MED27: variants seen among roughly 807,000 people sequenced by gnomAD.
The protein encoded by MED27 is mediator complex subunit 27, also known as mediator of RNA polymerase II transcription subunit 27.
Under a neutral mutation model 38.2 loss-of-function variants are expected in MED27, and 30 were observed. The ratio of observed to expected loss-of-function variants is 0.79; its 90% CI spans 0.59 to 1.07. The LOEUF (loss-of-function observed/expected upper bound fraction) is 1.07. Ranked by LOEUF, MED27 falls within the 50% of genes least tolerant of loss-of-function variation. MED27 has a pLI of 0.00. For missense variants in MED27, 289 were observed against 397.5 expected (o/e 0.73, Z 2.32); for synonymous variants, 122 against 153.5 (o/e 0.79, Z 1.52).
At chr9:132,000,788 G>A (rs1451575381) in intron 3 of MED27, among the ~76,000 whole-genome samples, 1 of 149,508 alleles carries the variant, frequency 6.7e-6, no homozygotes, top group Non-Finnish European at 1.5e-5. Flanking sequence ...GTCTCACTAT[G>A]TTGTCCAGGC....
At position 131,861,394 on chromosome 9, in the gene MED27, G is replaced by A. The variant is rs988285302; in HGVS notation, c.802-722C>T. On this transcript the variant is annotated intron_variant, in intron 7 of 7. Coordinates refer to ENST00000292035, the MANE Select transcript of MED27 (RefSeq NM_004269.4). This position sits in a 1 kb window ranked among gnomAD's most constrained non-coding sequence, Gnocchi z 4.4. ...AAACAGCAGGCAAGCAAGTTCTCGC[G>A]GTGAAAGGGCACGTGAATCTTGTCA... Among the ~76,000 whole-genome samples the A allele has an allele frequency of 6.6e-6, 1 of 152,132 alleles. No individual in the cohort carries two copies. The highest frequency in any genetic ancestry group is 1.5e-5 in the Non-Finnish European group (1 of 68,022).
At chr9:131,870,373 T>G (rs1241332716) in intron 6 of MED27, among the ~76,000 whole-genome samples, 2 of 152,150 alleles carry the variant, frequency 1.3e-5, no homozygotes, top group Non-Finnish European at 2.9e-5. Context: ...CATACAGACC[T>G]CAAGTGTACG....
At chr9:131,951,507 G>A (rs1310258741) in intron 3 of MED27, among the ~76,000 whole-genome samples, 1 of 152,200 alleles carries the variant, frequency 6.6e-6, no homozygotes, top group East Asian at 1.9e-4. Context: ...AGAGTCTGAA[G>A]CTGGGGCTTA....
At chr9:131,971,518 C>T (rs1484696183) in intron 3 of MED27, among the ~76,000 whole-genome samples, 2 of 152,126 alleles carry the variant, frequency 1.3e-5, no homozygotes, top group African/African-American at 4.8e-5. Flanking sequence ...AAAATTAAAC[C>T]TATGTCGTGA....
chr9:131,885,852 G>T (rs1839130495), intron 5 of MED27, among the ~76,000 whole-genome samples: 1 of 152,126 alleles, frequency 6.6e-6, no homozygotes, highest in South Asian at 2.1e-4. Context: ...TGTCCCATAG[G>T]TGCTAAAAAG....
chr9:131,957,794 T>A (rs1486186183), intron 3 of MED27, among the ~76,000 whole-genome samples: 2 of 151,222 alleles, frequency 1.3e-5, no homozygotes, highest in African/African-American at 4.9e-5. Flanking sequence ...AAAAGACACA[T>A]CTGGCTGGGC....
intron 2 of MED27, among the ~76,000 whole-genome samples, chr9:132,019,549 T>C (rs1832675216): frequency 6.6e-6 from 1 of 152,156 alleles, no homozygotes; most frequent in African/African-American, 2.4e-5. Context: ...GGACTGCCCC[T>C]AGATGACTTC....
At chr9:132,054,477 T>C (rs1833532583) in intron 2 of MED27, among the ~76,000 whole-genome samples, 1 of 152,192 alleles carries the variant, frequency 6.6e-6, no homozygotes, top group African/African-American at 2.4e-5. Flanking sequence ...TGGAGTGCAG[T>C]GGCCGGATTT....
Position 131,979,831 on chromosome 9 carries a change from A to ATGGCTGGCTGGCTGGCTGGCTGGCTGGC in MED27, c.479+34478_479+34505dup, listed in dbSNP as rs71374157. Among the ~76,000 whole-genome samples, 172 of 150,514 alleles carry ATGGCTGGCTGGCTGGCTGGCTGGCTGGC rather than the reference A, an allele frequency of 1.1e-3. 2 individuals carry two copies. The highest frequency in any genetic ancestry group is 3.9e-3 in the African/African-American group (161 of 40,950). ...TTGTAGAGTGGCACCTGAAAACAAG[A>ATGGCTGGCTGGCTGGCTGGCTGGCTGGC]TGGCTGGCTGGCTGGCTGGCTGGCT... On this transcript the variant is annotated intron_variant, in intron 3 of 7. Coordinates refer to ENST00000292035, the MANE Select transcript of MED27 (RefSeq NM_004269.4).
Position 131,860,934 on chromosome 9 carries a change from G to A in MED27, c.802-262C>T, listed in dbSNP as rs1370274941. Among the ~76,000 whole-genome samples, 2 of 152,030 alleles carry A rather than the reference G, an allele frequency of 1.3e-5. No individual in the cohort carries two copies. Among genetic ancestry groups the A allele is most frequent in the Non-Finnish European group, 2.9e-5 (2 of 67,998 alleles). ...CTCTCAAAAGCAGGAAGGCCTCCCT[G>A]GAGTCCCCGTGAACCACCGAGCAGC... On this transcript the variant is annotated intron_variant, in intron 7 of 7. Coordinates refer to ENST00000292035, the MANE Select transcript of MED27 (RefSeq NM_004269.4). This position sits in a 1 kb window ranked among gnomAD's most constrained non-coding sequence, Gnocchi z 5.8.
intron 5 of MED27, among the ~76,000 whole-genome samples, chr9:131,888,299 G>C (rs548787378): frequency 6.6e-6 from 1 of 152,256 alleles, no homozygotes; most frequent in Non-Finnish European, 1.5e-5. Flanking sequence ...GCTCAGAGAA[G>C]TTAGGTGACT....
Position 131,863,625 on chromosome 9 carries a change from C to A in MED27, c.724-485G>T, listed in dbSNP as rs995114791. On this transcript the variant is annotated intron_variant, in intron 6 of 7. Coordinates refer to ENST00000292035, the MANE Select transcript of MED27 (RefSeq NM_004269.4). ...ATTCTCATTCTGTCACCATTTGTAG[C>A]CACACAGGATTTATGATGGGGAGCC... Among the ~76,000 whole-genome samples, 5 of 146,320 alleles carry A rather than the reference C, an allele frequency of 3.4e-5. No homozygotes were observed. The East Asian group carries it at 9.6e-4, about 28-fold the overall frequency.
In MED27 at chr9:131,889,322, G is replaced by A. The variant is rs990661331; in HGVS notation, c.681+4563C>T. 6.6e-6 allele frequency among the ~76,000 whole-genome samples: 1 copy of A among 152,034 alleles called. No homozygotes were observed. Among genetic ancestry groups the A allele is most frequent in the South Asian group, 2.1e-4 (1 of 4,812 alleles). ...AAAGCTGCCTTTTTTATTGATATGG[G>A]GTAATTAATGAAGCTATAGCATTAA... On this transcript the variant is annotated intron_variant, in intron 5 of 7. Transcript: ENST00000292035. This position sits in a 1 kb window ranked among gnomAD's most constrained non-coding sequence, Gnocchi z 4.2.
chr9:131,908,068 C>G (rs1318454678), intron 4 of MED27, among the ~76,000 whole-genome samples: 1 of 151,892 alleles, frequency 6.6e-6, no homozygotes, highest in African/African-American at 2.4e-5. Flanking sequence ...CCGGCAGCCA[C>G]CCGGTCTGGG....
At position 131,875,087 on chromosome 9, in the gene MED27, G is replaced by A. The variant is rs1458853551; in HGVS notation, c.723+8971C>T. ...GCCACCCCTGCTCAGTGGGGGAAAC[G>A]GGAAATTGGGGCACAACATCTCAAT... is the stretch of plus-strand genomic sequence containing the variant. On this transcript the variant is annotated intron_variant, in intron 6 of 7. Transcript: ENST00000292035. Among the ~76,000 whole-genome samples the A allele has an allele frequency of 2.6e-5, 4 of 152,082 alleles. No individual in the cohort carries two copies. In the South Asian group the frequency reaches 8.3e-4, roughly 32 times the overall value.
At chr9:132,046,612 C>T (rs1310576404) in intron 2 of MED27, among the ~76,000 whole-genome samples, 14 of 152,134 alleles carry the variant, frequency 9.2e-5, no homozygotes, top group Non-Finnish European at 1.5e-5. Flanking sequence ...TCCCGTCTCT[C>T]CATTCTCTCA....
intron 6 of MED27, among the ~76,000 whole-genome samples, chr9:131,876,280 T>G (rs1164582868): frequency 6.6e-6 from 1 of 152,172 alleles, no homozygotes; most frequent in African/African-American, 2.4e-5. Context: ...ATGACTACTC[T>G]GTGACTCCTC....
intron 4 of MED27, among the ~76,000 whole-genome samples, chr9:131,899,250 G>A (rs952481759): frequency 1.3e-5 from 2 of 152,218 alleles, no homozygotes; most frequent in Non-Finnish European, 2.9e-5. Flanking sequence ...TGGTCCTTAT[G>A]TTAATTTTCC....
intron 6 of MED27, among the ~76,000 whole-genome samples, chr9:131,865,407 G>A (rs1211754053): frequency 2.0e-5 from 3 of 152,172 alleles, no homozygotes; most frequent in Non-Finnish European, 2.9e-5. Flanking sequence ...GAACTTGAAC[G>A]CTTGGTTCTT....
Sources: allele counts gnomAD v4.1 joint callset (sites outside exome capture counted in the v4.1 genomes callset), GRCh38; gene constraint gnomAD v4.1.1; non-coding constraint Gnocchi (gnomAD v3.1); transcripts MANE v1.5; gene names NCBI Gene and HGNC (gene_info 2026-07-23, HGNC 2026-07-21).